Variants in BCL11A observed in about 807,000 individuals in gnomAD.
The protein encoded by BCL11A is BCL11 transcription factor A.
Under a neutral mutation model 55.9 loss-of-function variants are expected in BCL11A, and 2 were observed. The observed-to-expected ratio is 0.04, with a 90% CI of 0.01 to 0.11. The LOEUF is 0.11. Among genes scored for constraint, BCL11A ranks in the 10% least tolerant of loss-of-function variants. The probability of loss-of-function intolerance (pLI) is 1.00; values close to 1 mark genes in which losing one functional copy is unlikely to be tolerated. For missense variants in BCL11A, 817 were observed against 1,137.1 expected, an observed-to-expected ratio of 0.72 and a Z score of 4.05; for synonymous variants, 465 against 473.4, an observed-to-expected ratio of 0.98 and a Z score of 0.23.
chr2:60,457,633 T>C lies in BCL11A; in HGVS notation c.*2771A>G, dbSNP rs1413592045. 1 of 1,042,856 alleles carries C rather than the reference T, an allele frequency of 9.6e-7. No homozygotes were observed. The highest frequency in any genetic ancestry group is 1.2e-6 in the Non-Finnish European group (1 of 865,086). The allele number at this position is 1,042,856 out of a possible 1,614,324, so 64.6% of individuals were successfully genotyped here. A position where few individuals can be genotyped will look rare whatever the true frequency, so the allele number is the denominator to read the frequency against. ...TTTCCAATCTAAATATAAAGCACCATTTAGTTTTTGGCAATGAAAAAAACT... is the reference window on the plus strand; with the variant it reads ...TTTCCAATCTAAATATAAAGCACCACTTAGTTTTTGGCAATGAAAAAAACT... On this transcript the variant is annotated 3_prime_UTR_variant, in exon 4 of 4. Coordinates refer to ENST00000642384, the MANE Select transcript of BCL11A (RefSeq NM_022893.4).
rs774376669 is a variant in BCL11A, at chr2:60,468,749, T to C, written c.470A>G (p.Tyr157Cys). The C allele has an allele frequency of 6.2e-7, 1 of 1,612,690 alleles. No individual in the cohort carries two copies. Among genetic ancestry groups the C allele is most frequent in the Non-Finnish European group, 8.5e-7 (1 of 1,179,118 alleles). The change falls in exon 3 of 4, where the codon TAT becomes TGT. Residue 157 changes from tyrosine (Y) to cysteine (C), a missense_variant. By Grantham distance (194) the Tyr-to-Cys change is radical (BLOSUM62 -2). Around this residue, in one of 4 missense-constraint regions of BCL11A, gnomAD observed 363 missense variants for 486.6 expected, o/e 0.75. Coordinates refer to ENST00000642384, the MANE Select transcript of BCL11A (RefSeq NM_022893.4). Reference sequence around the variant, plus strand: ...CAACTTACAAATACCCTGCGGGGCATATTCTGCACTCATCCCAGGCGTGGG... The same window carrying C: ...CAACTTACAAATACCCTGCGGGGCACATTCTGCACTCATCCCAGGCGTGGG... ...LIPTPGMSAE[Y>C]APQGICKDEP...
chr2:60,484,090 G>A (rs1678124781), intron 2 of BCL11A: 1 of 152,220 alleles, frequency 6.6e-6, no homozygotes, highest in Non-Finnish European at 1.5e-5. Context: ...TGCAAATGCA[G>A]GTCACTATCG....
downstream of BCL11A, among the ~76,000 whole-genome samples, chr2:60,454,668 A>C (rs1210448231): frequency 1.3e-5 from 2 of 152,194 alleles, no homozygotes; most frequent in Non-Finnish European, 2.9e-5. Flanking sequence ...TACTACAAGC[A>C]GGAGAGGATG....
intron 2 of BCL11A, among the ~76,000 whole-genome samples, chr2:60,482,850 TA>T (rs1458642608): frequency 6.6e-6 from 1 of 152,228 alleles, no homozygotes; most frequent in African/African-American, 2.4e-5. Context: ...GATGACATTT[TA>T]AATATCCAAC....
chr2:60,504,069 C>T (rs1440097918), intron 2 of BCL11A, among the ~76,000 whole-genome samples: 1 of 152,168 alleles, frequency 6.6e-6, no homozygotes, highest in Non-Finnish European at 1.5e-5. Context: ...ATTCTGAGAA[C>T]TCTGAAGAGT....
At position 60,546,602 on chromosome 2, in the gene BCL11A, T is replaced by C. The variant is rs563208052; in HGVS notation, c.56-302A>G. Among the ~76,000 whole-genome samples the C allele has an allele frequency of 3.3e-5, 5 of 152,058 alleles. No individual in the cohort carries two copies. The highest frequency in any genetic ancestry group is 6.5e-5 in the Admixed American group (1 of 15,272). On this transcript the variant is annotated intron_variant, in intron 1 of 3. Transcript: ENST00000642384. This position sits in a 1 kb window ranked among gnomAD's most constrained non-coding sequence, Gnocchi z 4.1. ...GCACACACCCACAGCAACAAATGTGTCTGGTTTGTAAGTTTAGAAAGAATG... is the reference window on the plus strand; with the variant it reads ...GCACACACCCACAGCAACAAATGTGCCTGGTTTGTAAGTTTAGAAAGAATG...
In BCL11A at chr2:60,518,849, G is replaced by A. The variant is rs541846045; in HGVS notation, c.385+27122C>T. Among the ~76,000 whole-genome samples the A allele has an allele frequency of 4.6e-5, 7 of 152,262 alleles. No individual in the cohort carries two copies. The East Asian group carries it at 1.2e-3, about 25-fold the overall frequency. ...GGACACCATCCACATGGTGTTGCTC[G>A]ATGGGCAAAGATCAAGAGGCAGTCG... On this transcript the variant is annotated intron_variant, in intron 2 of 3. Transcript: ENST00000642384.
chr2:60,502,757 T>C (rs183960692), intron 2 of BCL11A, among the ~76,000 whole-genome samples: 1 of 152,356 alleles, frequency 6.6e-6, no homozygotes, highest in East Asian at 1.9e-4. Flanking sequence ...GGTAGCACAG[T>C]AGAGCAGAAA....
rs1157862623 is a variant in BCL11A at position 60,460,312 on chromosome 2, C to T, written c.*92G>A. On this transcript the variant is annotated 3_prime_UTR_variant, in exon 4 of 4. Coordinates refer to ENST00000642384, the MANE Select transcript of BCL11A (RefSeq NM_022893.4). ...AAATCACATGGGACTAGAAAAAAAT[C>T]CTACAGGGAGTGGGGCTGGAGGGCG... 3.3e-6 allele frequency: 5 copies of T among 1,501,226 alleles called. No individual in the cohort carries two copies. The highest frequency in any genetic ancestry group is 4.6e-5 in the Admixed American group (2 of 43,816). 93.0% of individuals were successfully genotyped at this position (1,501,226 alleles called of 1,614,324 possible).
chr2:60,478,814 G>A (rs574075185), intron 2 of BCL11A, among the ~76,000 whole-genome samples: 9 of 152,204 alleles, frequency 5.9e-5, no homozygotes, highest in Non-Finnish European at 1.3e-4. Flanking sequence ...CAGAAAACAG[G>A]CCTCTGCCCG....
At chr2:60,528,530 T>C (rs755285852) in intron 2 of BCL11A, 2 of 152,200 alleles carry the variant, frequency 1.3e-5, no homozygotes, top group Non-Finnish European at 2.9e-5. Context: ...CCCAGAAGAT[T>C]GAAAAACTTG....
rs550645246 is a variant in BCL11A, at chr2:60,552,894, G to A, written c.55+322C>T. The stretch of plus-strand genomic sequence containing the variant: ...ATTATTTTGCAAAACTGGCGGGGCG[G>A]GGGGGGAGTGGAATCATTGCATTCC... On this transcript the variant is annotated intron_variant, in intron 1 of 3. Coordinates refer to ENST00000642384, the MANE Select transcript of BCL11A (RefSeq NM_022893.4). 4.4e-3 allele frequency among the ~76,000 whole-genome samples: 676 copies of A among 152,068 alleles called. 2 individuals are homozygous for A. The highest frequency in any genetic ancestry group is 7.5e-3 in the Non-Finnish European group (512 of 68,000).
intron 2 of BCL11A, among the ~76,000 whole-genome samples, chr2:60,509,599 C>T (rs139984197): frequency 3.9e-5 from 6 of 152,252 alleles, no homozygotes; most frequent in African/African-American, 9.6e-5. Context: ...AGAAACAAAG[C>T]GCATCTTTCT....
In BCL11A at chr2:60,460,853, A is replaced by G. The variant is rs760471010; in HGVS notation, c.2059T>C (p.Ser687Pro). ...CCGTTCTCCGAGGAGTGCTCCGACGAGGAGGCAAAAGGCGATTGTCTGGAG... is the reference window on the plus strand; with the variant it reads ...CCGTTCTCCGAGGAGTGCTCCGACGGGGAGGCAAAAGGCGATTGTCTGGAG... The part of the protein sequence containing the change: ...GDSRQSPFAS[S>P]SEHSSENGSL... The change falls in exon 4 of 4, where the codon TCG becomes CCG. Residue 687 changes from serine (S) to proline (P), a missense_variant. Coordinates refer to ENST00000642384, the MANE Select transcript of BCL11A (RefSeq NM_022893.4). The G allele has an allele frequency of 6.2e-7, 1 of 1,613,028 alleles. No homozygotes were observed. Among genetic ancestry groups the G allele is most frequent in the Non-Finnish European group, 8.5e-7 (1 of 1,179,994 alleles).
In BCL11A at chr2:60,467,681, A is replaced by G. The variant is rs376084467; in HGVS notation, c.487+1051T>C. On this transcript the variant is annotated intron_variant, in intron 3 of 3. Transcript: ENST00000642384. Reference sequence around the variant, plus strand: ...GGTGATGGTACTGGTGGTGATGGTGATGGTGGTGGTGGTGGTGATGGTACT... The same window carrying G: ...GGTGATGGTACTGGTGGTGATGGTGGTGGTGGTGGTGGTGGTGATGGTACT... 2.7e-3 allele frequency among the ~76,000 whole-genome samples: 105 copies of G among 38,218 alleles called. 9 individuals are homozygous for G. The highest frequency in any genetic ancestry group is 7.5e-3 in the African/African-American group (69 of 9,224). 25.1% of individuals were successfully genotyped at this position (38,218 alleles called of 152,430 possible).
At chr2:60,490,797 T>A (rs546128859) in intron 2 of BCL11A, among the ~76,000 whole-genome samples, 1 of 152,346 alleles carries the variant, frequency 6.6e-6, no homozygotes, top group South Asian at 2.1e-4. Flanking sequence ...TTCTAGGAAT[T>A]CAACAAATAG....
chr2:60,463,904 C>T (rs1676455666), intron 3 of BCL11A, among the ~76,000 whole-genome samples: 1 of 142,146 alleles, frequency 7.0e-6, no homozygotes, highest in Non-Finnish European at 1.5e-5. Flanking sequence ...TAGTATTTGT[C>T]AGTAACTTTC....
chr2:60,514,890 AAGAG>A (rs1668663539), intron 2 of BCL11A, among the ~76,000 whole-genome samples: 1 of 151,956 alleles, frequency 6.6e-6, no homozygotes, highest in South Asian at 2.1e-4. Flanking sequence ...AAAAAAAGAA[AAGAG>A]AGACAGAGAG....
At chr2:60,467,681 ATGG>A (rs1328408838) in intron 3 of BCL11A, among the ~76,000 whole-genome samples, 4 of 38,210 alleles carry the variant, frequency 1.0e-4, no homozygotes, top group Admixed American at 2.9e-4. Context: ...GGTGATGGTG[ATGG>A]TGGTGGTGGT....
Sources: gnomAD v4.1 joint callset for allele counts (sites outside exome capture counted in the v4.1 genomes callset) on GRCh38, gnomAD v4.1.1 for gene constraint, gnomAD v4.1.1 regional missense constraint, Gnocchi (gnomAD v3.1) non-coding constraint, MANE v1.5 for transcripts, NCBI Gene and HGNC (gene_info 2026-07-23, HGNC 2026-07-21) for gene names.